CUL1: variants seen among roughly 807,000 people sequenced by gnomAD.
The protein encoded by CUL1 is cullin-1.
In CUL1, 24 loss-of-function variants were observed where a neutral mutation model predicts 118.0. The ratio of observed to expected loss-of-function variants is 0.20; its 90% CI spans 0.15 to 0.29. CUL1 has a LOEUF of 0.29. CUL1 is among the 10% of genes least tolerant of loss of function. The probability of loss-of-function intolerance (pLI) is 1.00; values close to 1 mark genes in which losing one functional copy is unlikely to be tolerated. For synonymous variants in CUL1, 332 were observed against 340.4 expected (o/e 0.98, Z 0.27); for missense variants, 361 against 933.8 (o/e 0.39, Z 7.99).
At chr7:148,792,434 G>A (rs896166600) in intron 16 of CUL1, among the ~76,000 whole-genome samples, 8 of 152,066 alleles carry the variant, frequency 5.3e-5, no homozygotes, top group African/African-American at 1.5e-4. Flanking sequence ...CTATAAATGC[G>A]TGGGGACGTA....
intron 11 of CUL1, among the ~76,000 whole-genome samples, chr7:148,786,107 G>A (rs1035915126): frequency 6.6e-6 from 1 of 152,184 alleles, no homozygotes; most frequent in Non-Finnish European, 1.5e-5. Context: ...ACAGAGGGCA[G>A]CAGTTTAGTA....
At position 148,754,022 on chromosome 7, in the gene CUL1, C is replaced by G; in HGVS notation, c.187C>G (p.Arg63Gly). The G allele has an allele frequency of 1.2e-6, 2 of 1,613,588 alleles. No homozygotes were observed. Among genetic ancestry groups the G allele is most frequent in the Non-Finnish European group, 1.7e-6 (2 of 1,179,818 alleles). The change falls in exon 3 of 22, where the codon CGA (arginine) becomes GGA (glycine). Residue 63 changes from arginine (R) to glycine (G), a missense_variant. This residue lies in a region of CUL1 where 49 missense variants were observed against 67.4 expected (regional missense o/e 0.73). Transcript: ENST00000325222. ...CTSVHQSNQA[R>G]GAGVPPSKSK... ...TAGTGTTCACCAGTCAAACCAAGCA[C>G]GAGGAGCTGGAGTTCCTCCTTCTAA...
rs1584818238 is a variant in CUL1, at chr7:148,787,326, G to A, written c.1479+206G>A. Among the ~76,000 whole-genome samples the A allele has an allele frequency of 6.6e-6, 1 of 152,232 alleles. No homozygotes were observed. The highest frequency in any genetic ancestry group is 1.9e-4 in the East Asian group (1 of 5,172). ...AAATACAAAACATTAGCCGGGCATG[G>A]TGGTGGGCGCCTGTAGTCCCAGCTA... On this transcript the variant is annotated intron_variant, in intron 13 of 21. Transcript: ENST00000325222. The surrounding 1 kb of genome is among the most constrained non-coding windows in gnomAD (Gnocchi z 5.5).
intron 1 of CUL1, among the ~76,000 whole-genome samples, chr7:148,699,303 G>A (rs1164452930): frequency 6.6e-6 from 1 of 151,868 alleles, no homozygotes; most frequent in Non-Finnish European, 1.5e-5. Context: ...ACTACGCACT[G>A]GGAAAAAGCA....
At chr7:148,746,117 T>G (rs73467453) in intron 2 of CUL1, among the ~76,000 whole-genome samples, 4,045 of 151,324 alleles carry the variant, frequency 0.027, 181 homozygotes, top group African/African-American at 0.092. Context: ...CTCTGAGGGG[T>G]GGGCTTGGGG....
intron 9 of CUL1, among the ~76,000 whole-genome samples, chr7:148,780,116 T>C (rs1800572663): frequency 6.6e-5 from 1 of 15,070 alleles, no homozygotes; most frequent in African/African-American, 6.4e-4. Flanking sequence ...AACTCCCGTA[T>C]ATATATATAT....
intron 17 of CUL1, 24 bp from the exon 18 acceptor site, chr7:148,797,788 T>C (rs201701521): frequency 5.9e-5 from 95 of 1,603,440 alleles, no homozygotes; most frequent in Admixed American, 4.2e-4. Context: ...CCCTTTAACT[T>C]CCTCTTTTTC....
At chr7:148,721,455 T>C (rs902989707) in intron 1 of CUL1, among the ~76,000 whole-genome samples, 8 of 147,786 alleles carry the variant, frequency 5.4e-5, no homozygotes, top group African/African-American at 2.0e-4. Context: ...GTCTCTCAGC[T>C]TTTTTTTTTC....
chr7:148,795,277 G>A lies in CUL1; in HGVS notation c.1899+2459G>A, dbSNP rs552143782. 2.2e-4 allele frequency among the ~76,000 whole-genome samples: 34 copies of A among 152,148 alleles called. 1 individual carries two copies. Among genetic ancestry groups the A allele is most frequent in the South Asian group, 2.1e-3 (10 of 4,824 alleles). On this transcript the variant is annotated intron_variant, in intron 17 of 21. Transcript: ENST00000325222. ...CTCCTGAGTAGCTGGCACTACAGGC[G>A]CTTGCCACCATGCTCAGCTAATTTT...
At chr7:148,724,069 T>G (rs1798482344) in intron 1 of CUL1, among the ~76,000 whole-genome samples, 1 of 152,234 alleles carries the variant, frequency 6.6e-6, no homozygotes, top group South Asian at 2.1e-4. Context: ...AGTGGAAGAC[T>G]GTTGTAAGTG....
chr7:148,753,930 C>T (rs771704431), intron 2 of CUL1, 46 bp from the exon 3 acceptor site: 16 of 1,394,562 alleles, frequency 1.1e-5, no homozygotes, highest in South Asian at 2.7e-5. Context: ...TGTTAATGAC[C>T]GTTAACGTCT....
intron 1 of CUL1, among the ~76,000 whole-genome samples, chr7:148,720,370 A>G (rs1314441641): frequency 3.9e-5 from 6 of 152,142 alleles, no homozygotes; most frequent in Non-Finnish European, 8.8e-5. Context: ...GAGAAGTAGG[A>G]TAAGAAGGAG....
At chr7:148,722,983 C>T (rs1400959364) in intron 1 of CUL1, among the ~76,000 whole-genome samples, 1 of 152,224 alleles carries the variant, frequency 6.6e-6, no homozygotes, top group Non-Finnish European at 1.5e-5. Flanking sequence ...CTTTTCTGTC[C>T]CTCCCCACCT....
intron 7 of CUL1, among the ~76,000 whole-genome samples, chr7:148,760,798 T>C (rs1396762203): frequency 1.3e-5 from 2 of 152,234 alleles, no homozygotes; most frequent in African/African-American, 2.4e-5. Context: ...CACAGTCATG[T>C]CAATGAGAAA....
chr7:148,734,097 C>A (rs1325191824), intron 2 of CUL1, among the ~76,000 whole-genome samples: 1 of 151,920 alleles, frequency 6.6e-6, no homozygotes, highest in Non-Finnish European at 1.5e-5. Flanking sequence ...CTTTAGTTAA[C>A]TTGGTTTTCA....
chr7:148,747,574 C>T (rs1351708194), intron 2 of CUL1, among the ~76,000 whole-genome samples: 1 of 152,096 alleles, frequency 6.6e-6, no homozygotes, highest in Non-Finnish European at 1.5e-5. Context: ...GCCTAAATAC[C>T]CTTAAGTGTA....
Position 148,784,167 on chromosome 7 carries a change from C to T in CUL1, c.1298+90C>T, listed in dbSNP as rs114767024. The T allele has an allele frequency of 4.8e-4, 498 of 1,034,276 alleles. 2 individuals are homozygous for T. The African/African-American group carries it at 5.8e-3, about 12-fold the overall frequency. The allele number at this position is 1,034,276 out of a possible 1,614,324, so 64.1% of individuals were successfully genotyped here. ...TAAAACCTACATTACATTTTACATA[C>T]ATTAAATTGGAATTTTTGTACCTTA... On this transcript the variant is annotated intron_variant, in intron 11 of 21. Transcript: ENST00000325222.
At chr7:148,702,832 C>T (rs895298187) in intron 1 of CUL1, among the ~76,000 whole-genome samples, 2 of 152,192 alleles carry the variant, frequency 1.3e-5, no homozygotes, top group African/African-American at 4.8e-5. Context: ...GGTGGTTTCT[C>T]CCACCAAACT....
At chr7:148,717,328 A>T (rs1011678419) in intron 1 of CUL1, among the ~76,000 whole-genome samples, 14 of 152,198 alleles carry the variant, frequency 9.2e-5, no homozygotes, top group African/African-American at 2.9e-4. Flanking sequence ...AAGTGCTAGG[A>T]TTACAGGCTA....
Sources: gnomAD v4.1 joint callset for allele counts (sites outside exome capture counted in the v4.1 genomes callset) on GRCh38, gnomAD v4.1.1 for gene constraint, gnomAD v4.1.1 regional missense constraint, Gnocchi (gnomAD v3.1) non-coding constraint, MANE v1.5 for transcripts, NCBI Gene and HGNC (gene_info 2026-07-23, HGNC 2026-07-21) for gene names.